The following ASPM variants were observed in gnomAD, a reference collection of about 807,000 sequenced individuals.
The protein encoded by ASPM is abnormal spindle-like microcephaly-associated protein.
In ASPM, 256 loss-of-function variants were observed where a neutral mutation model predicts 366.4. That is an observed-to-expected ratio of 0.70 (90% CI 0.63 to 0.77). The LOEUF (loss-of-function observed/expected upper bound fraction) is 0.77. Ranked by LOEUF, ASPM falls within the 30% of genes least tolerant of loss-of-function variation. The pLI is 0.00. For synonymous variants in ASPM, 1,414 were observed against 1,342.9 expected (o/e 1.05, Z -1.16); for missense variants, 4,146 against 4,090.4 (o/e 1.01, Z -0.37).
At position 197,143,538 on chromosome 1, in the gene ASPM, T is replaced by G. The variant is rs957035712; in HGVS notation, c.714A>C (p.Pro238=). 1.2e-6 allele frequency: 2 copies of G among 1,613,754 alleles called. No individual in the cohort carries two copies. The highest frequency in any genetic ancestry group is 4.5e-5 in the East Asian group (2 of 44,864). ...AGGTAGTAGATCGACGTACAGAGAG[T>G]GGCAAGCAAGTTGCACCATGGCATT... ...FNECHGATCL[P]LSVRRSTTYS... Residue 238 remains proline, a synonymous_variant, in exon 3 of 28, where the codon CCA becomes CCC. Transcript: ENST00000367409.
chr1:197,102,366 T>C lies in ASPM; in HGVS notation c.6885A>G (p.Lys2295=). Residue 2295 remains lysine, a synonymous_variant, in exon 18 of 28, where the codon AAA becomes AAG. Transcript: ENST00000367409. The part of the protein sequence containing the change: ...LKKTAILIQR[K]YRAHLCTKHH... ...GCTTTGTACAAAGATGTGCCCGATA[T>C]TTTCTCTGAATCAAAATAGCAGTTT... 1.2e-6 allele frequency: 2 copies of C among 1,612,814 alleles called. No individual in the cohort carries two copies. The highest frequency in any genetic ancestry group is 1.7e-6 in the Non-Finnish European group (2 of 1,179,250).
chr1:197,115,062 TA>T (rs1657702865), intron 17 of ASPM, among the ~76,000 whole-genome samples: 1 of 151,848 alleles, frequency 6.6e-6, no homozygotes, highest in Admixed American at 6.6e-5. Flanking sequence ...TTTTTATTTT[TA>T]AATGGGGTCT....
chr1:197,104,739 T>C lies in ASPM; in HGVS notation c.4512A>G (p.Gln1504=). 6.2e-7 allele frequency: 1 copy of C among 1,606,734 alleles called. No individual in the cohort carries two copies. Among genetic ancestry groups the C allele is most frequent in the East Asian group, 2.2e-5 (1 of 44,778 alleles). Residue 1504 remains glutamine (Q), a synonymous_variant, in exon 18 of 28, where the codon CAA becomes CAG. Coordinates refer to ENST00000367409, the MANE Select transcript of ASPM (RefSeq NM_018136.5). ...IQKRFRCFQA[Q]KLYKRRKESI... ...ACTCTTTTCTTCTTTTATATAACTT[T>C]TGGGCTTGAAAGCACCGAAATCTTT...
chr1:197,093,018 A>G (rs779419715), intron 21 of ASPM, 34 bp downstream of exon 21: 21 of 1,536,090 alleles, frequency 1.4e-5, no homozygotes, highest in Non-Finnish European at 1.9e-5. Context: ...CTTTCATTTT[A>G]TAAGAATGAG....
intron 25 of ASPM, 60 bp from the exon 26 acceptor site, chr1:197,088,492 C>A: frequency 2.7e-6 from 4 of 1,485,730 alleles, no homozygotes; most frequent in South Asian, 2.4e-5. Flanking sequence ...ACAAACAACC[C>A]AACCAAAAAA....
At chr1:197,120,442 A>C (rs1302432037) in intron 16 of ASPM, among the ~76,000 whole-genome samples, 4 of 152,114 alleles carry the variant, frequency 2.6e-5, no homozygotes. Context: ...AGGCACAAGA[A>C]TGGCTTGAAC....
intron 17 of ASPM, among the ~76,000 whole-genome samples, chr1:197,109,854 CTATT>C (rs1161694481): frequency 1.3e-5 from 2 of 151,782 alleles, no homozygotes; most frequent in Non-Finnish European, 2.9e-5. Context: ...AAAAGCAATA[CTATT>C]TATAATAGCT....
chr1:197,090,230 G>C lies in ASPM; in HGVS notation c.9795C>G (p.His3265Gln), dbSNP rs1316830845. 1 of 1,613,350 alleles carries C rather than the reference G, an allele frequency of 6.2e-7. No homozygotes were observed. Among genetic ancestry groups the C allele is most frequent in the Non-Finnish European group, 8.5e-7 (1 of 1,179,688 alleles). ...TTAAGGCCTCAAGAATGGCAGAAAG[G>C]TGCTTATATGTCAAAAGGTAATGAA... ...LALHYLLTYKHLSAILEALKH... is the reference protein window; with the variant it reads ...LALHYLLTYKQLSAILEALKH... The change falls in exon 24 of 28, where the codon CAC becomes CAG. Residue 3265 changes from histidine (H) to glutamine (Q), a missense_variant. This residue lies in a region of ASPM where 3,624 missense variants were observed against 3,591.7 expected (regional missense o/e 1.01). Coordinates refer to ENST00000367409, the MANE Select transcript of ASPM (RefSeq NM_018136.5).
chr1:197,090,740 G>A (rs1656752735), intron 23 of ASPM, 110 bp downstream of exon 23: 1 of 992,664 alleles, frequency 1.0e-6, no homozygotes, highest in Non-Finnish European at 1.5e-6. Flanking sequence ...TATTCTACCG[G>A]CTAATGCGTT....
chr1:197,104,768 G>A lies in ASPM; in HGVS notation c.4483C>T (p.Gln1495Ter). ...IYIRSCVVIIQKRFRCFQAQK... is the reference protein window; with the variant it reads ...IYIRSCVVII ...GCTTGAAAGCACCGAAATCTTTTCTGAATGATAACAACACAAGATCTAATA... is the reference window on the plus strand; with the variant it reads ...GCTTGAAAGCACCGAAATCTTTTCTAAATGATAACAACACAAGATCTAATA... The change falls in exon 18 of 28, where the codon CAG (glutamine) becomes TAG (stop). Residue 1495 changes from glutamine to a stop codon, truncating the protein, a stop_gained. Coordinates refer to ENST00000367409, the MANE Select transcript of ASPM (RefSeq NM_018136.5). LOFTEE classifies it high-confidence loss of function. 2 of 1,597,886 alleles carry A rather than the reference G, an allele frequency of 1.3e-6. No homozygotes were observed.
rs1324667031 is a variant in ASPM at position 197,126,454 on chromosome 1, AAAAAAAAAAAAAAG to A, written c.2937-1277_2937-1264del. Among the ~76,000 whole-genome samples, 258 of 147,968 alleles carry A rather than the reference AAAAAAAAAAAAAAG, an allele frequency of 1.7e-3. 4 individuals are homozygous for A. Among genetic ancestry groups the A allele is most frequent in the African/African-American group, 6.2e-3 (249 of 40,480 alleles). On this transcript the variant is annotated intron_variant, in intron 10 of 27. Coordinates refer to ENST00000367409, the MANE Select transcript of ASPM (RefSeq NM_018136.5). ...GACTCTGTCTCAAAAAAAAAAAAAA[AAAAAAAAAAAAAAG>A]GGAGGGGGACTTTCTTTGTGGAAAA...
chr1:197,143,204 G>A lies in ASPM; in HGVS notation c.1048C>T (p.Pro350Ser), dbSNP rs2125114330. Residue 350 changes from proline (P) to serine (S), a missense_variant, in exon 3 of 28, where the codon CCT becomes TCT. This residue lies in a region of ASPM where 512 missense variants were observed against 471.7 expected (regional missense o/e 1.09). Transcript: ENST00000367409. ...SDMFMKDNSQPVHLESTIAHE... is the reference protein window; with the variant it reads ...SDMFMKDNSQSVHLESTIAHE... ...GCAATTGTTGATTCCAAATGCACAG[G>A]CTGTGAATTATCTTTCATAAACATA... 6.2e-7 allele frequency: 1 copy of A among 1,613,390 alleles called. No homozygotes were observed. Among genetic ancestry groups the A allele is most frequent in the Non-Finnish European group, 8.5e-7 (1 of 1,179,568 alleles).
chr1:197,089,983 G>T lies in ASPM; in HGVS notation c.9931C>A (p.Pro3311Thr). Reference protein sequence around the residue: ...VLIRSCNRSIPCMEVIRYAVQ... With the variant: ...VLIRSCNRSITCMEVIRYAVQ... ...GCATATCTGATGACTTCCATACAAG[G>T]AATACTGCGATTACAACTTCGGATC... The change falls in exon 25 of 28, where the codon CCT (proline) becomes ACT (threonine). Residue 3311 changes from proline (P) to threonine (T), a missense_variant. By Grantham distance (38) the Pro-to-Thr change is conservative. Transcript: ENST00000367409. 1 of 1,613,026 alleles carries T rather than the reference G, an allele frequency of 6.2e-7. No individual in the cohort carries two copies. The highest frequency in any genetic ancestry group is 1.7e-4 in the Middle Eastern group (1 of 6,052).
chr1:197,099,241 T>A (rs75683676), intron 18 of ASPM, among the ~76,000 whole-genome samples: 3 of 151,176 alleles, frequency 2.0e-5, no homozygotes, highest in Non-Finnish European at 4.4e-5. Context: ...TTTTTTTTTT[T>A]AATAAAAATG....
rs147526389 is a variant in ASPM at position 197,135,226 on chromosome 1, C to T, written c.2043G>A (p.Pro681=). Residue 681 remains proline (P), a synonymous_variant, in exon 5 of 28, where the codon CCG becomes CCA. Transcript: ENST00000367409. Reference sequence around the variant, plus strand: ...ACATGTTTTTTGCAGCAAATGGCATCGGGTGTCTGGGAATATCTAAGAATA... The same window carrying T: ...ACATGTTTTTTGCAGCAAATGGCATTGGGTGTCTGGGAATATCTAAGAATA... ...KPLKTDIPRH[P]MPFAAKNMFY... is the part of the protein sequence containing the mutation. The T allele has an allele frequency of 2.0e-4, 316 of 1,613,838 alleles. 1 individual carries two copies. The highest frequency in any genetic ancestry group is 5.3e-4 in the African/African-American group (40 of 74,900).
Position 197,102,613 on chromosome 1 carries a change from T to C in ASPM, c.6638A>G (p.Lys2213Arg), listed in dbSNP as rs771892340. 5.0e-6 allele frequency: 8 copies of C among 1,612,446 alleles called. No homozygotes were observed. The Admixed American group carries it at 1.2e-4, about 24-fold the overall frequency. ...TTGCTGTACTGTTTTTGTTATTTTC[T>C]TTAACTTATTAAAGTATGTTTGCTG... ...YRQQTYFNKL[K>R]KITKTVQQRY... Residue 2213 changes from lysine (K) to arginine (R), a missense_variant, in exon 18 of 28, where the codon AAG becomes AGG. Physicochemically the swap from Lys to Arg is conservative, Grantham distance 26. Coordinates refer to ENST00000367409, the MANE Select transcript of ASPM (RefSeq NM_018136.5).
At chr1:197,093,554 A>T (rs558694727) in intron 20 of ASPM, among the ~76,000 whole-genome samples, 12 of 151,890 alleles carry the variant, frequency 7.9e-5, no homozygotes, top group Non-Finnish European at 1.6e-4. Flanking sequence ...ACATTACAGG[A>T]CAAATACATT....
chr1:197,142,976 G>A lies in ASPM; in HGVS notation c.1276C>T (p.Pro426Ser). ...SNENSQVPQS[P>S]EDWRKSEVSP... The stretch of plus-strand genomic sequence containing the variant: ...ACTTCACTTTTTCTCCAATCTTCAG[G>A]AGACTGTGGGACTTGAGAATTTTCA... The change falls in exon 3 of 28, where the codon CCT becomes TCT. Residue 426 changes from proline to serine, a missense_variant. By Grantham distance (74) the Pro-to-Ser change is moderately conservative. Coordinates refer to ENST00000367409, the MANE Select transcript of ASPM (RefSeq NM_018136.5). The A allele has an allele frequency of 1.2e-6, 2 of 1,613,892 alleles. No homozygotes were observed. Among genetic ancestry groups the A allele is most frequent in the South Asian group, 2.2e-5 (2 of 91,072 alleles).
intron 17 of ASPM, among the ~76,000 whole-genome samples, chr1:197,108,425 G>T (rs1016930307): frequency 6.6e-6 from 1 of 152,020 alleles, no homozygotes; most frequent in Non-Finnish European, 1.5e-5. Flanking sequence ...CCAAAGGGTT[G>T]TCCACTGAAA....
Sources: gnomAD v4.1 joint callset for allele counts (sites outside exome capture counted in the v4.1 genomes callset) on GRCh38, gnomAD v4.1.1 for gene constraint, gnomAD v4.1.1 regional missense constraint, MANE v1.5 for transcripts, NCBI Gene and HGNC (gene_info 2026-07-23, HGNC 2026-07-21) for gene names.